Variants in ELL observed in about 807,000 individuals in gnomAD.
ELL encodes RNA polymerase II elongation factor ELL.
In ELL, 18 loss-of-function variants were observed where a neutral mutation model predicts 64.0. That is an observed-to-expected ratio of 0.28 (90% CI 0.19 to 0.42). ELL has a LOEUF of 0.42. Ranked by LOEUF, ELL falls within the 10% of genes least tolerant of loss-of-function variation. The pLI is 1.00. For missense variants in ELL, 797 were observed against 870.4 expected (o/e 0.92, Z 1.06); for synonymous variants, 399 against 376.2 (o/e 1.06, Z -0.70).
chr19:18,504,188 G>C (rs567783156), intron 1 of ELL, among the ~76,000 whole-genome samples: 1 of 152,322 alleles, frequency 6.6e-6, no homozygotes, highest in African/African-American at 2.4e-5. Context: ...GGCCAGGGAC[G>C]GCACAGAGAG....
At chr19:18,504,479 T>C (rs557158154) in intron 1 of ELL, among the ~76,000 whole-genome samples, 3 of 152,302 alleles carry the variant, frequency 2.0e-5, no homozygotes, top group East Asian at 1.9e-4. Context: ...CACGTTCATC[T>C]CTGCCTGGGA....
At chr19:18,512,507 T>C (rs1335123871) in intron 1 of ELL, among the ~76,000 whole-genome samples, 2 of 149,842 alleles carry the variant, frequency 1.3e-5, no homozygotes, top group Non-Finnish European at 3.0e-5. Context: ...GGCGTGATGA[T>C]GGGTGTCTGT....
chr19:18,464,169 C>T (rs1341699813), intron 4 of ELL, among the ~76,000 whole-genome samples: 1 of 152,060 alleles, frequency 6.6e-6, no homozygotes, highest in African/African-American at 2.4e-5. Context: ...AGGAGTCAGA[C>T]ACCAGCCTGT....
chr19:18,494,432 C>T (rs923228307), intron 1 of ELL, among the ~76,000 whole-genome samples: 1 of 151,116 alleles, frequency 6.6e-6, no homozygotes, highest in Non-Finnish European at 1.5e-5. Context: ...CTTGCTCTGT[C>T]ACCCAGATGG....
intron 7 of ELL, among the ~76,000 whole-genome samples, 153 bp from the exon 8 acceptor site, chr19:18,451,128 C>T (rs914333598): frequency 5.3e-5 from 8 of 152,152 alleles, no homozygotes; most frequent in South Asian, 2.1e-4. Context: ...TCCCAGGTGC[C>T]GCTCAGGGTG....
intron 5 of ELL, among the ~76,000 whole-genome samples, chr19:18,459,748 G>A (rs760438372): frequency 4.6e-5 from 7 of 150,830 alleles, no homozygotes; most frequent in African/African-American, 9.8e-5. Flanking sequence ...GGATGGTCTC[G>A]ATCTCCTGAC....
At chr19:18,447,674 G>A (rs767422674) in intron 8 of ELL, among the ~76,000 whole-genome samples, 2 of 152,228 alleles carry the variant, frequency 1.3e-5, no homozygotes, top group Non-Finnish European at 2.9e-5. Context: ...ACTGAAGTGC[G>A]CGTCGCCTAA....
chr19:18,471,124 G>T (rs1461533603), intron 2 of ELL: 1 of 389,388 alleles, frequency 2.6e-6, no homozygotes, highest in Non-Finnish European at 5.1e-6. Context: ...TGTAATTCTA[G>T]CACTTTGGGA....
At chr19:18,446,595 T>C in intron 9 of ELL, 115 bp from the exon 10 acceptor site, 1 of 1,494,890 alleles carries the variant, frequency 6.7e-7, no homozygotes, top group Non-Finnish European at 9.0e-7. Context: ...CCCTGGATTA[T>C]GAGGGGGCCT....
intron 1 of ELL, among the ~76,000 whole-genome samples, chr19:18,499,589 G>A (rs1975737672): frequency 1.3e-5 from 2 of 152,344 alleles, no homozygotes; most frequent in Non-Finnish European, 2.9e-5. Context: ...AGCCCACCGT[G>A]TGGCTGTGAA....
In ELL at chr19:18,473,235, C is replaced by G. The variant is rs1034605388; in HGVS notation, c.136-353G>C. 4 of 562,788 alleles carry G rather than the reference C, an allele frequency of 7.1e-6. No homozygotes were observed. In the African/African-American group the frequency reaches 7.4e-5, roughly 10 times the overall value. 34.9% of individuals were successfully genotyped at this position (562,788 alleles called of 1,614,324 possible). A position where few individuals can be genotyped will look rare whatever the true frequency, so the allele number is the denominator to read the frequency against. On this transcript the variant is annotated intron_variant, in intron 1 of 11. Coordinates refer to ENST00000262809, the MANE Select transcript of ELL (RefSeq NM_006532.4). ...CTGTGAATCCACCGGGAGAGAAGGG[C>G]AAGGCTCAAGGTGCTCACAGCCCTG...
At chr19:18,462,208 GTGTGTGTGTGTGTA>G (rs1324172353) in intron 4 of ELL, among the ~76,000 whole-genome samples, 69 of 126,258 alleles carry the variant, frequency 5.5e-4, no homozygotes, top group Middle Eastern at 7.3e-3. Context: ...GTGTGTGTGT[GTGTGTGTGTGTGTA>G]TGTAATCACC....
chr19:18,470,349 C>G (rs1975039815), intron 2 of ELL, among the ~76,000 whole-genome samples: 1 of 152,230 alleles, frequency 6.6e-6, no homozygotes, highest in African/African-American at 2.4e-5. Context: ...GGGGCCCCCC[C>G]ACTGCTCAGG....
At chr19:18,484,172 G>A (rs192508255) in intron 1 of ELL, among the ~76,000 whole-genome samples, 73 of 152,314 alleles carry the variant, frequency 4.8e-4, no homozygotes, top group South Asian at 8.3e-4. Flanking sequence ...ACAGAATCCC[G>A]TTTGGCAGCC....
At chr19:18,494,400 GT>G (rs57202732) in intron 1 of ELL, among the ~76,000 whole-genome samples, 15 of 146,078 alleles carry the variant, frequency 1.0e-4, no homozygotes, top group Admixed American at 1.4e-4. Context: ...TTGTTTTTTT[GT>G]TTTTTTTTTT....
At chr19:18,461,897 G>C in intron 4 of ELL, 45 bp from the exon 5 acceptor site, 17 of 1,581,714 alleles carry the variant, frequency 1.1e-5, no homozygotes, top group Non-Finnish European at 1.4e-5. Flanking sequence ...GGGCGCTGCC[G>C]TGTCCTAAGC....
intron 1 of ELL, among the ~76,000 whole-genome samples, chr19:18,478,349 G>A (rs552266864): frequency 1.3e-5 from 2 of 152,234 alleles, no homozygotes; most frequent in East Asian, 1.9e-4. Context: ...ATTAAATAAC[G>A]GGGTAACTCA....
chr19:18,463,311 A>C, intron 4 of ELL, among the ~76,000 whole-genome samples: 1 of 143,014 alleles, frequency 7.0e-6, no homozygotes, highest in Non-Finnish European at 1.5e-5. Flanking sequence ...ACAGAGGAAC[A>C]CGCACATTCA....
At chr19:18,446,848 G>A (rs765905435) in intron 8 of ELL, 34 bp from the exon 9 acceptor site, 9 of 1,612,192 alleles carry the variant, frequency 5.6e-6, no homozygotes, top group South Asian at 5.5e-5. Flanking sequence ...CTGAGTCTGC[G>A]CCCATGGCAC....
Sources: gnomAD v4.1 joint callset for allele counts (sites outside exome capture counted in the v4.1 genomes callset) on GRCh38, gnomAD v4.1.1 for gene constraint, MANE v1.5 for transcripts, NCBI Gene and HGNC (gene_info 2026-07-23, HGNC 2026-07-21) for gene names.